Variants in OSBPL3 observed in about 807,000 individuals in gnomAD.
OSBPL3 encodes the protein oxysterol-binding protein-related protein 3.
Under a neutral mutation model 120.1 loss-of-function variants are expected in OSBPL3, and 65 were observed. The observed-to-expected ratio is 0.54, with a 90% confidence interval of 0.44 to 0.67. The LOEUF is 0.67. Ranked by LOEUF, OSBPL3 falls within the 30% of genes least tolerant of loss-of-function variation. OSBPL3 has a pLI of 0.00. For missense variants in OSBPL3, 1,004 were observed against 1,082.1 expected (o/e 0.93, Z 1.01); for synonymous variants, 416 against 402.6 (o/e 1.03, Z -0.40).
intron 20 of OSBPL3, among the ~76,000 whole-genome samples, chr7:24,807,974 T>G (rs375464501): frequency 9.4e-4 from 143 of 152,220 alleles, no homozygotes; most frequent in African/African-American, 3.3e-3. Context: ...CTCAGCTCAC[T>G]GCAACCTCTA....
At chr7:24,979,676 C>T (rs1263628160) in intron 1 of OSBPL3, among the ~76,000 whole-genome samples, 2 of 152,120 alleles carry the variant, frequency 1.3e-5, no homozygotes, top group Non-Finnish European at 2.9e-5. Flanking sequence ...GTGGGTGAGA[C>T]CCGGGTCCTC....
rs2128501530 is a variant in OSBPL3 at position 24,953,363 on chromosome 7, G to A, written c.-150+26523C>T. On this transcript the variant is annotated intron_variant, in intron 1 of 22. Transcript: ENST00000313367. This position sits in a 1 kb window ranked among gnomAD's most constrained non-coding sequence, Gnocchi z 4.3. ...GTTTCTTTCAAAAAAAATTATACCAGCAGGTTCTAATTTCCTATCCCTGCC... is the reference window on the plus strand; with the variant it reads ...GTTTCTTTCAAAAAAAATTATACCAACAGGTTCTAATTTCCTATCCCTGCC... 6.6e-6 allele frequency among the ~76,000 whole-genome samples: 1 copy of A among 152,042 alleles called. No homozygotes were observed. Among genetic ancestry groups the A allele is most frequent in the East Asian group, 1.9e-4 (1 of 5,178 alleles).
At chr7:24,979,801 C>G (rs893097106) in intron 1 of OSBPL3, 85 bp downstream of exon 1, 1 of 705,870 alleles carries the variant, frequency 1.4e-6, no homozygotes. Flanking sequence ...CGCGGCGCCC[C>G]GCAAACAGCA....
intron 16 of OSBPL3, among the ~76,000 whole-genome samples, chr7:24,823,044 A>G (rs1795297369): frequency 6.6e-6 from 1 of 152,170 alleles, no homozygotes; most frequent in African/African-American, 2.4e-5. Flanking sequence ...ATTATTTTGT[A>G]TATTTCCTCC....
In OSBPL3 at chr7:24,873,287, A is replaced by G. The variant is rs1001909943; in HGVS notation, c.97-1218T>C. On this transcript the variant is annotated intron_variant, in intron 2 of 22. Coordinates refer to ENST00000313367, the MANE Select transcript of OSBPL3 (RefSeq NM_015550.4). The surrounding 1 kb of genome is among the most constrained non-coding windows in gnomAD (Gnocchi z 4.1). ...CTGGGACACAAGTGGTCTAACAGGG[A>G]GGGCACAGAAACCACACAGGGTCCT... 1.3e-5 allele frequency among the ~76,000 whole-genome samples: 2 copies of G among 152,208 alleles called. No homozygotes were observed. Among genetic ancestry groups the G allele is most frequent in the African/African-American group, 4.8e-5 (2 of 41,442 alleles).
intron 1 of OSBPL3, among the ~76,000 whole-genome samples, chr7:24,920,847 G>A (rs1810299772): frequency 6.6e-6 from 1 of 152,066 alleles, no homozygotes; most frequent in African/African-American, 2.4e-5. Flanking sequence ...AAAGTCAGAG[G>A]TCAAATTCAA....
chr7:24,976,557 C>A (rs563428181), intron 1 of OSBPL3, among the ~76,000 whole-genome samples: 2 of 152,074 alleles, frequency 1.3e-5, no homozygotes, highest in South Asian at 4.2e-4. Context: ...AAAAAAAATT[C>A]CAGAAGGGGC....
Position 24,868,974 on chromosome 7 carries a change from G to A in OSBPL3, c.381+1758C>T, listed in dbSNP as rs145234204. 1.9e-4 allele frequency among the ~76,000 whole-genome samples: 29 copies of A among 152,256 alleles called. No homozygotes were observed. The East Asian group carries it at 5.0e-3, about 26-fold the overall frequency. On this transcript the variant is annotated intron_variant, in intron 5 of 22. Coordinates refer to ENST00000313367, the MANE Select transcript of OSBPL3 (RefSeq NM_015550.4). Reference sequence around the variant, plus strand: ...CAAGCAGTTCTAGGGCCGTGGGTGAGCAGCCTCTTAATCTCTCTGCTACTC... The same window carrying A: ...CAAGCAGTTCTAGGGCCGTGGGTGAACAGCCTCTTAATCTCTCTGCTACTC...
In OSBPL3 at chr7:24,873,873, C is replaced by T. The variant is rs1802499925; in HGVS notation, c.97-1804G>A. On this transcript the variant is annotated intron_variant, in intron 2 of 22. Transcript: ENST00000313367. This position sits in a 1 kb window ranked among gnomAD's most constrained non-coding sequence, Gnocchi z 4.1. ...AAAAATTCCACCTCAAATTTCACCT[C>T]CTCCAGTGGAAAATACCATTTCATC... Among the ~76,000 whole-genome samples, 1 of 152,214 alleles carries T rather than the reference C, an allele frequency of 6.6e-6. No homozygotes were observed. The highest frequency in any genetic ancestry group is 1.5e-5 in the Non-Finnish European group (1 of 68,034).
chr7:24,935,039 GTTGT>G (rs1562986925), intron 1 of OSBPL3, among the ~76,000 whole-genome samples: 1 of 152,046 alleles, frequency 6.6e-6, no homozygotes, highest in Non-Finnish European at 1.5e-5. Flanking sequence ...TCATCATAAG[GTTGT>G]TTGTACTAGT....
At position 24,953,626 on chromosome 7, in the gene OSBPL3, G is replaced by C. The variant is rs1028842403; in HGVS notation, c.-150+26260C>G. Among the ~76,000 whole-genome samples the C allele has an allele frequency of 4.6e-5, 7 of 152,178 alleles. No homozygotes were observed. Among genetic ancestry groups the C allele is most frequent in the Non-Finnish European group, 8.8e-5 (6 of 68,016 alleles). On this transcript the variant is annotated intron_variant, in intron 1 of 22. Coordinates refer to ENST00000313367, the MANE Select transcript of OSBPL3 (RefSeq NM_015550.4). The surrounding 1 kb of genome is among the most constrained non-coding windows in gnomAD (Gnocchi z 4.3). ...TCAGTGATCAAACAGTTCAGACAGG[G>C]AAGGAAGCTTACTCTAAACAGAAGC...
At chr7:24,956,695 G>C (rs1815096596) in intron 1 of OSBPL3, among the ~76,000 whole-genome samples, 1 of 151,932 alleles carries the variant, frequency 6.6e-6, no homozygotes, top group Non-Finnish European at 1.5e-5. Context: ...TGCATTTTGA[G>C]GTTTTTCCCA....
Position 24,849,120 on chromosome 7 carries a change from A to G in OSBPL3, c.1215T>C (p.Ser405=). 6.2e-7 allele frequency: 1 copy of G among 1,614,088 alleles called. No homozygotes were observed. ...KERLRRIHAE[S]LLLDSPAVAK... is the part of the protein sequence containing the mutation. Reference sequence around the variant, plus strand: ...CGACAGCGGGGGAGTCGAGGAGCAGAGACTCGGCATGGATTCTGCGTAAGC... The same window carrying G: ...CGACAGCGGGGGAGTCGAGGAGCAGGGACTCGGCATGGATTCTGCGTAAGC... Residue 405 remains serine (S), a synonymous_variant, in exon 12 of 23, where the codon TCT becomes TCC. Transcript: ENST00000313367. This position sits in a 1 kb window ranked among gnomAD's most constrained non-coding sequence, Gnocchi z 5.4.
chr7:24,836,648 A>G (rs563107374), intron 14 of OSBPL3, among the ~76,000 whole-genome samples: 5 of 152,226 alleles, frequency 3.3e-5, no homozygotes, highest in African/African-American at 1.2e-4. Context: ...TTTTATTTAT[A>G]TATCAATAAA....
intron 2 of OSBPL3, among the ~76,000 whole-genome samples, chr7:24,880,186 G>A (rs1426231781): frequency 6.6e-6 from 1 of 152,146 alleles, no homozygotes; most frequent in Non-Finnish European, 1.5e-5. Context: ...TATAATGAAA[G>A]CATTATTATC....
At position 24,867,843 on chromosome 7, in the gene OSBPL3, T is replaced by G. The variant is rs914781053; in HGVS notation, c.382-1606A>C. ...AATAGTATTATTTTTCTAACTTTTATTACTATCACACTCACAAACCTTTAG... is the reference window on the plus strand; with the variant it reads ...AATAGTATTATTTTTCTAACTTTTAGTACTATCACACTCACAAACCTTTAG... On this transcript the variant is annotated intron_variant, in intron 5 of 22. Coordinates refer to ENST00000313367, the MANE Select transcript of OSBPL3 (RefSeq NM_015550.4). This position sits in a 1 kb window ranked among gnomAD's most constrained non-coding sequence, Gnocchi z 4.5. Among the ~76,000 whole-genome samples the G allele has an allele frequency of 2.0e-5, 3 of 152,222 alleles. No individual in the cohort carries two copies. Among genetic ancestry groups the G allele is most frequent in the African/African-American group, 7.2e-5 (3 of 41,466 alleles).
rs1468625249 is a variant in OSBPL3, at chr7:24,871,484, C to T, written c.267+258G>A. 4.6e-5 allele frequency among the ~76,000 whole-genome samples: 7 copies of T among 152,162 alleles called. No individual in the cohort carries two copies. The highest frequency in any genetic ancestry group is 7.4e-5 in the Non-Finnish European group (5 of 68,022). On this transcript the variant is annotated intron_variant, in intron 4 of 22. Transcript: ENST00000313367. The surrounding 1 kb of genome is among the most constrained non-coding windows in gnomAD (Gnocchi z 4.8). ...CTAGCTGCAAGGATGTATTCTCCCA[C>T]CCCAGGAACTCCTTAGCACAACCTT...
At position 24,938,779 on chromosome 7, in the gene OSBPL3, A is replaced by ATGTGTGTGTG. The variant is rs142720310; in HGVS notation, c.-150+41097_-150+41106dup. 6.4e-5 allele frequency among the ~76,000 whole-genome samples: 6 copies of ATGTGTGTGTG among 94,232 alleles called. No individual in the cohort carries two copies. Among genetic ancestry groups the ATGTGTGTGTG allele is most frequent in the Admixed American group, 2.1e-4 (2 of 9,340 alleles). 61.8% of individuals were successfully genotyped at this position (94,232 alleles called of 152,430 possible). A position where few individuals can be genotyped will look rare whatever the true frequency, so the allele number is the denominator to read the frequency against. On this transcript the variant is annotated intron_variant, in intron 1 of 22. Transcript: ENST00000313367. The surrounding 1 kb of genome is among the most constrained non-coding windows in gnomAD (Gnocchi z 5.8). ...AACTGAATAATGAGGTTTTGTTTTG[A>ATGTGTGTGTG]TGTGTGTGTGTGTGTGTGTGTGTGT...
At position 24,871,137 on chromosome 7, in the gene OSBPL3, G is replaced by C. The variant is rs915593366; in HGVS notation, c.268-292C>G. 2.0e-5 allele frequency among the ~76,000 whole-genome samples: 3 copies of C among 152,192 alleles called. No homozygotes were observed. The highest frequency in any genetic ancestry group is 2.9e-5 in the Non-Finnish European group (2 of 68,032). On this transcript the variant is annotated intron_variant, in intron 4 of 22. Transcript: ENST00000313367. This position sits in a 1 kb window ranked among gnomAD's most constrained non-coding sequence, Gnocchi z 4.8. ...GAGGAAACAAAAGAGTAAGCACCGTGGGTTGACTCCCATGGCAGTGAATTC... is the reference window on the plus strand; with the variant it reads ...GAGGAAACAAAAGAGTAAGCACCGTCGGTTGACTCCCATGGCAGTGAATTC...
Sources: allele counts gnomAD v4.1 joint callset (sites outside exome capture counted in the v4.1 genomes callset), GRCh38; gene constraint gnomAD v4.1.1; non-coding constraint Gnocchi (gnomAD v3.1); transcripts MANE v1.5; gene names NCBI Gene and HGNC (gene_info 2026-07-23, HGNC 2026-07-21).